TDRD6: variants seen among roughly 807,000 people sequenced by gnomAD.
TDRD6 encodes the protein tudor domain containing 6.
In TDRD6, 186 loss-of-function variants were observed where a neutral mutation model predicts 157.5. The observed-to-expected ratio is 1.18, with a 90% CI of 1.05 to 1.33. The LOEUF is 1.33. Among genes scored for constraint, TDRD6 ranks in the 40% most tolerant of loss-of-function variants. The probability of loss-of-function intolerance (pLI) is 0.00; values close to 1 mark genes in which losing one functional copy is unlikely to be tolerated. For missense variants in TDRD6, 3,066 were observed against 2,508.0 expected, an observed-to-expected ratio of 1.22 and a Z score of -4.75; for synonymous variants, 1,075 against 945.2, an observed-to-expected ratio of 1.14 and a Z score of -2.52.
chr6:46,684,587 T>G (rs982173805), upstream of TDRD6, among the ~76,000 whole-genome samples: 1 of 152,194 alleles, frequency 6.6e-6, no homozygotes, highest in Non-Finnish European at 1.5e-5. Context: ...CTAAGAATAT[T>G]ATGTAAATAG....
At position 46,690,112 on chromosome 6, in the gene TDRD6, C is replaced by CA; in HGVS notation, c.1986dup (p.Ala663SerfsTer10). On this transcript the variant is annotated frameshift_variant, in exon 1 of 4. Transcript: ENST00000316081. LOFTEE classifies it high-confidence loss of function. ...AGAAAACATTAGTAAGGTAATTGCC[C>CA]AAGCTGGATATGCCAAGTATCAGGA... 1.9e-6 allele frequency: 3 copies of CA among 1,613,688 alleles called. No homozygotes were observed. Among genetic ancestry groups the CA allele is most frequent in the Non-Finnish European group, 2.5e-6 (3 of 1,179,910 alleles).
At position 46,690,062 on chromosome 6, in the gene TDRD6, T is replaced by G; in HGVS notation, c.1934T>G (p.Ile645Ser). ...DKQDHQYVIE[I>S]LDESRTGEEN... ...CAGGATCATCAATATGTTATTGAGA[T>G]TCTTGACGAATCAAGAACAGGGGAA... Residue 645 changes from isoleucine to serine, a missense_variant, in exon 1 of 4, where the codon ATT becomes AGT. Ile to Ser is a moderately radical substitution (Grantham distance 142). Coordinates refer to ENST00000316081, the MANE Select transcript of TDRD6 (RefSeq NM_001010870.3). 6.2e-7 allele frequency: 1 copy of G among 1,614,108 alleles called. No homozygotes were observed. Among genetic ancestry groups the G allele is most frequent in the African/African-American group, 1.3e-5 (1 of 75,054 alleles).
chr6:46,688,870 C>A lies in TDRD6; in HGVS notation c.742C>A (p.Leu248Met). The A allele has an allele frequency of 6.2e-7, 1 of 1,608,882 alleles. No homozygotes were observed. Among genetic ancestry groups the A allele is most frequent in the Non-Finnish European group, 8.5e-7 (1 of 1,176,820 alleles). ...GLDYFYPQLQ[L>M]GVTEAVVITQ... is the part of the protein sequence containing the mutation. ...GGATTACTTCTATCCCCAGCTGCAG[C>A]TGGGCGTGACGGAGGCCGTGGTCAT... Residue 248 changes from leucine (L) to methionine (M), a missense_variant, in exon 1 of 4, where the codon CTG becomes ATG. Coordinates refer to ENST00000316081, the MANE Select transcript of TDRD6 (RefSeq NM_001010870.3).
At chr6:46,681,404 T>C in the TDRD6 span, 1 of 359,666 alleles carries the variant, frequency 2.8e-6, no homozygotes, top group Non-Finnish European at 5.8e-6. Flanking sequence ...ATGGAAATTA[T>C]ATCACTATTT....
chr6:46,697,699 C>A (rs967024693), intron 2 of TDRD6, among the ~76,000 whole-genome samples: 15 of 152,174 alleles, frequency 9.9e-5, no homozygotes, highest in Admixed American at 4.6e-4. Context: ...CCAGACTGGG[C>A]AGCATAGTGA....
rs2150687220 is a variant in TDRD6, at chr6:46,703,296, A to G, written c.*1409A>G. On this transcript the variant is annotated 3_prime_UTR_variant, in exon 4 of 4. Transcript: ENST00000316081. ...ACCCATTATAATTTCCGTAAGTAGA[A>G]GGGAGAGAGGTTTGCATTAAAAGTA... The G allele has an allele frequency of 1.3e-5, 2 of 152,226 alleles. No homozygotes were observed. 9.4% of individuals were successfully genotyped at this position (152,226 alleles called of 1,614,324 possible).
Position 46,693,996 on chromosome 6 carries a change from A to G in TDRD6, c.5868A>G (p.Ser1956=), listed in dbSNP as rs1764424628. The part of the protein sequence containing the change: ...VESFDDQRRM[S]LHLHGADCDP... ...CTTTTGATGACCAGCGCAGGATGTC[A>G]TTGCATCTACATGGAGCAGATTGTG... The change falls in exon 1 of 4, where the codon TCA becomes TCG. Residue 1956 remains serine, a synonymous_variant. Transcript: ENST00000316081. The G allele has an allele frequency of 1.2e-6, 2 of 1,614,000 alleles. No homozygotes were observed. Among genetic ancestry groups the G allele is most frequent in the Non-Finnish European group, 1.7e-6 (2 of 1,179,984 alleles).
chr6:46,689,655 C>T lies in TDRD6; in HGVS notation c.1527C>T (p.His509=), dbSNP rs746034067. The part of the protein sequence containing the change: ...PSEFWIRLRK[H]NVTFSKLMRR... ...AGTTTTGGATTAGGTTGAGGAAACA[C>T]AATGTCACCTTCAGTAAGCTGATGA... The change falls in exon 1 of 4, where the codon CAC becomes CAT. Residue 509 remains histidine (H), a synonymous_variant. Coordinates refer to ENST00000316081, the MANE Select transcript of TDRD6 (RefSeq NM_001010870.3). The T allele has an allele frequency of 6.2e-7, 1 of 1,614,102 alleles. No homozygotes were observed. The highest frequency in any genetic ancestry group is 1.7e-5 in the Admixed American group (1 of 60,010).
At chr6:46,687,849 G>T, upstream of TDRD6, 1 of 397,546 alleles carries the variant, frequency 2.5e-6, no homozygotes, top group Non-Finnish European at 4.4e-6. Context: ...CCCACTCTCC[G>T]CGGCCGGAAG....
At chr6:46,697,304 T>C (rs1764524495) in intron 2 of TDRD6, among the ~76,000 whole-genome samples, 1 of 152,170 alleles carries the variant, frequency 6.6e-6, no homozygotes, top group Non-Finnish European at 1.5e-5. Context: ...TGATGTTATT[T>C]TCTAAATTTA....
intron 3 of TDRD6, among the ~76,000 whole-genome samples, chr6:46,701,584 C>G (rs1764624582): frequency 6.6e-6 from 1 of 152,058 alleles, no homozygotes; most frequent in African/African-American, 2.4e-5. Context: ...TGATTATCAG[C>G]CTTGTTCACA....
intron 2 of TDRD6, among the ~76,000 whole-genome samples, chr6:46,696,364 T>C (rs189689404): frequency 6.6e-4 from 99 of 150,978 alleles, no homozygotes; most frequent in Middle Eastern, 3.4e-3. Flanking sequence ...ATTTGATTAC[T>C]TCATTATTGT....
the TDRD6 span, among the ~76,000 whole-genome samples, chr6:46,681,893 G>A: frequency 4.5e-4 from 68 of 152,104 alleles, no homozygotes; most frequent in African/African-American, 1.6e-3. Context: ...AGACAGTTTC[G>A]AATAGTGGGG....
Position 46,692,504 on chromosome 6 carries a change from A to G in TDRD6, c.4376A>G (p.Glu1459Gly). 1.2e-6 allele frequency: 2 copies of G among 1,613,778 alleles called. No individual in the cohort carries two copies. Among genetic ancestry groups the G allele is most frequent in the Non-Finnish European group, 1.7e-6 (2 of 1,180,000 alleles). The change falls in exon 1 of 4, where the codon GAA (glutamate) becomes GGA (glycine). Residue 1459 changes from glutamate to glycine, a missense_variant. Physicochemically the swap from Glu to Gly is moderately conservative, Grantham distance 98 (BLOSUM62 -2). Transcript: ENST00000316081. ...CEFVKFQDRW[E>G]VILADEHGII... ...TTTGTTAAATTTCAAGACAGATGGG[A>G]AGTTATTCTTGCTGATGAACATGGG...
In TDRD6 at chr6:46,693,334, G is replaced by C. The variant is rs1764399072; in HGVS notation, c.5206G>C (p.Ala1736Pro). ...AGGACTTAAGAAATTAAGTAATAAA[G>C]CTGTACAAAATAAAATATATATGGA... Reference protein sequence around the residue: ...DVGLKKLSNKAVQNKIYMEQQ... With the variant: ...DVGLKKLSNKPVQNKIYMEQQ... The change falls in exon 1 of 4, where the codon GCT becomes CCT. Residue 1736 changes from alanine (A) to proline (P), a missense_variant. Physicochemically the swap from Ala to Pro is conservative, Grantham distance 27. Coordinates refer to ENST00000316081, the MANE Select transcript of TDRD6 (RefSeq NM_001010870.3). 1 of 1,604,570 alleles carries C rather than the reference G, an allele frequency of 6.2e-7. No homozygotes were observed. The highest frequency in any genetic ancestry group is 8.5e-7 in the Non-Finnish European group (1 of 1,177,502).
chr6:46,691,298 A>G lies in TDRD6; in HGVS notation c.3170A>G (p.Lys1057Arg). The G allele has an allele frequency of 1.2e-6, 2 of 1,614,118 alleles. No individual in the cohort carries two copies. The highest frequency in any genetic ancestry group is 1.1e-5 in the South Asian group (1 of 91,076). Residue 1057 changes from lysine (K) to arginine (R), a missense_variant, in exon 1 of 4, where the codon AAA (lysine) becomes AGA (arginine). By Grantham distance (26) the Lys-to-Arg change is conservative. Transcript: ENST00000316081. ...GNWYRGIVIE[K>R]EPKKVFFVDF... is the part of the protein sequence containing the mutation. ...TGGTATAGGGGCATAGTAATAGAGA[A>G]AGAGCCAAAGAAAGTCTTCTTTGTT... is the stretch of plus-strand genomic sequence containing the variant.
Position 46,688,852 on chromosome 6 carries a change from T to G in TDRD6, c.724T>G (p.Phe242Val). Residue 242 changes from phenylalanine (F) to valine (V), a missense_variant, in exon 1 of 4, where the codon TTC (phenylalanine) becomes GTC (valine). Physicochemically the swap from Phe to Val is conservative, Grantham distance 50. Transcript: ENST00000316081. ...LKQKQPGLDY[F>V]YPQLQLGVTE... ...GCAAAAGCAGCCTGGTCTGGATTAC[T>G]TCTATCCCCAGCTGCAGCTGGGCGT... 9 of 1,611,586 alleles carry G rather than the reference T, an allele frequency of 5.6e-6. No individual in the cohort carries two copies. Among genetic ancestry groups the G allele is most frequent in the Non-Finnish European group, 7.6e-6 (9 of 1,178,714 alleles).
At position 46,690,784 on chromosome 6, in the gene TDRD6, A is replaced by C. The variant is rs199694276; in HGVS notation, c.2656A>C (p.Asn886His). The C allele has an allele frequency of 1.2e-6, 2 of 1,614,132 alleles. No individual in the cohort carries two copies. ...ACAGGCTTTTAGGTGCAGTCTTTATAATTTAATTCAACCAGTTGGCCAGAA... is the reference window on the plus strand; with the variant it reads ...ACAGGCTTTTAGGTGCAGTCTTTATCATTTAATTCAACCAGTTGGCCAGAA... The part of the protein sequence containing the change: ...KAQAFRCSLY[N>H]LIQPVGQNPF... The change falls in exon 1 of 4, where the codon AAT becomes CAT. Residue 886 changes from asparagine to histidine, a missense_variant. Physicochemically the swap from Asn to His is moderately conservative, Grantham distance 68 (BLOSUM62 1). Coordinates refer to ENST00000316081, the MANE Select transcript of TDRD6 (RefSeq NM_001010870.3).
chr6:46,691,524 TC>T lies in TDRD6; in HGVS notation c.3398del (p.Pro1133GlnfsTer5). The T allele has an allele frequency of 6.2e-7, 1 of 1,614,026 alleles. No individual in the cohort carries two copies. Among genetic ancestry groups the T allele is most frequent in the Non-Finnish European group, 8.5e-7 (1 of 1,179,934 alleles). ...TGAAGGCTTTAGTTGTAGCAAAAGA[TC>T]CAGATGGAACACTGATTATAGAACT... ...SLKALVVAKD[P>X]DGTLIIELYG... On this transcript the variant is annotated frameshift_variant, in exon 1 of 4. Transcript: ENST00000316081. LOFTEE classifies it high-confidence loss of function.
Sources: gnomAD v4.1 joint callset for allele counts (sites outside exome capture counted in the v4.1 genomes callset) on GRCh38, gnomAD v4.1.1 for gene constraint, MANE v1.5 for transcripts, NCBI Gene and HGNC (gene_info 2026-07-23, HGNC 2026-07-21) for gene names.